Variants in NOC2L observed in about 807,000 individuals in gnomAD.
The protein encoded by NOC2L is nucleolar complex protein 2 homolog.
A neutral mutation model predicts 94.2 loss-of-function variants in NOC2L; 101 were observed. That is an observed-to-expected ratio of 1.07 (90% CI 0.91 to 1.26). NOC2L has a LOEUF of 1.26. NOC2L is among the 50% of genes most tolerant of loss of function. NOC2L has a pLI of 0.00. For synonymous variants in NOC2L, 531 were observed against 413.4 expected, an observed-to-expected ratio of 1.28 and a Z score of -3.45; for missense variants, 1,076 against 980.1, an observed-to-expected ratio of 1.10 and a Z score of -1.31.
At chr1:945,950 T>C (rs1642096103) in intron 16 of NOC2L, among the ~76,000 whole-genome samples, 1 of 152,202 alleles carries the variant, frequency 6.6e-6, no homozygotes, top group African/African-American at 2.4e-5. Context: ...TGAGGGGGCA[T>C]GGCCTCCCCA....
rs753866757 is a variant in NOC2L, at chr1:951,224, G to T, written c.1346C>A (p.Ala449Asp). Reference sequence around the variant, plus strand: ...GTGCATTCGCAGCGGGTAGAAGCGGGCAGTGGGGATGAGCCTGGGGGTGGG... The same window carrying T: ...GTGCATTCGCAGCGGGTAGAAGCGGTCAGTGGGGATGAGCCTGGGGGTGGG... ...IIGCIKLIPTARFYPLRMHCI... is the reference protein window; with the variant it reads ...IIGCIKLIPTDRFYPLRMHCI... The change falls in exon 12 of 19, where the codon GCC (alanine) becomes GAC (aspartate). Residue 449 changes from alanine to aspartate, a missense_variant. Physicochemically the swap from Ala to Asp is moderately radical, Grantham distance 126. Around this residue, in one of 3 missense-constraint regions of NOC2L, gnomAD observed 615 missense variants for 577.4 expected, o/e 1.07. Coordinates refer to ENST00000327044, the MANE Select transcript of NOC2L (RefSeq NM_015658.4). 7.6e-6 allele frequency: 12 copies of T among 1,586,886 alleles called. No individual in the cohort carries two copies. Among genetic ancestry groups the T allele is most frequent in the Middle Eastern group, 1.7e-4 (1 of 6,056 alleles).
chr1:948,759 C>A (rs547000248), intron 12 of NOC2L, among the ~76,000 whole-genome samples, 156 bp from the exon 13 acceptor site: 1 of 11,236 alleles, frequency 8.9e-5, no homozygotes, highest in South Asian at 4.0e-3. Flanking sequence ...AGACCCAACC[C>A]GAAACAAGAG....
Position 946,457 on chromosome 1 carries a change from T to C in NOC2L, c.1748A>G (p.Tyr583Cys). The C allele has an allele frequency of 6.2e-7, 1 of 1,613,306 alleles. No individual in the cohort carries two copies. Among genetic ancestry groups the C allele is most frequent in the Non-Finnish European group, 8.5e-7 (1 of 1,179,958 alleles). The change falls in exon 15 of 19, where the codon TAC becomes TGC. Residue 583 changes from tyrosine (Y) to cysteine (C), a missense_variant. Coordinates refer to ENST00000327044, the MANE Select transcript of NOC2L (RefSeq NM_015658.4). ...AACCCTCTGGCGGCGGCTGCAGATGTATGCCGAGTTCTCCTGAACCTTCCC... is the reference window on the plus strand; with the variant it reads ...AACCCTCTGGCGGCGGCTGCAGATGCATGCCGAGTTCTCCTGAACCTTCCC... Reference protein sequence around the residue: ...LLGKVQENSAYICSRRQRVSF... With the variant: ...LLGKVQENSACICSRRQRVSF...
In NOC2L at chr1:950,007, A is replaced by G. The variant is rs893293470; in HGVS notation, c.1443+1120T>C. On this transcript the variant is annotated intron_variant, in intron 12 of 18. Coordinates refer to ENST00000327044, the MANE Select transcript of NOC2L (RefSeq NM_015658.4). ...CAGCGGGGTGGGGCCTAACCCACCC[A>G]CTGAAAGTTGAAACTTCGGACTCCA... 5.9e-5 allele frequency among the ~76,000 whole-genome samples: 9 copies of G among 152,352 alleles called. No individual in the cohort carries two copies. The South Asian group carries it at 1.0e-3, about 18-fold the overall frequency.
chr1:953,764 G>A lies in NOC2L; in HGVS notation c.888+18C>T, dbSNP rs776378512. ...CCCGACCCCATGACAGACACAGGGA[G>A]GGGACTGGGCCACGAACCTTGAGCA... On this transcript the variant is annotated intron_variant, in intron 8 of 18. Coordinates refer to ENST00000327044, the MANE Select transcript of NOC2L (RefSeq NM_015658.4). 6.3e-7 allele frequency: 1 copy of A among 1,577,446 alleles called. No homozygotes were observed. The highest frequency in any genetic ancestry group is 1.3e-5 in the African/African-American group (1 of 74,356).
rs111297025 is a variant in NOC2L, at chr1:954,210, T to G, written c.699-128A>C. On this transcript the variant is annotated intron_variant, in intron 6 of 18. Coordinates refer to ENST00000327044, the MANE Select transcript of NOC2L (RefSeq NM_015658.4). ...CTGCAGAGACCCCCCGTCTCTCCAC[T>G]CAAAAAAGCTCAGGGCCCCTTACAG... is the stretch of plus-strand genomic sequence containing the variant. 20 of 810,724 alleles carry G rather than the reference T, an allele frequency of 2.5e-5. No homozygotes were observed. In the African/African-American group the frequency reaches 3.1e-4, roughly 13 times the overall value. 50.2% of individuals were successfully genotyped at this position (810,724 alleles called of 1,614,324 possible).
chr1:948,735 G>GCTGGACCCTGGTCCCCCTGGTCC, intron 12 of NOC2L, 132 bp from the exon 13 acceptor site: 1 of 641,064 alleles, frequency 1.6e-6, no homozygotes, highest in Non-Finnish European at 2.8e-6. Context: ...TGGTCCTCAG[G>GCTGGACCCTGGTCCCCCTGGTCC]CTTCAGCACG....
chr1:956,859 G>A lies in NOC2L; in HGVS notation c.486+35C>T, dbSNP rs752723920. ...GTGAGGCAAGGCCAGATTTCTGCCT[G>A]GGCACCCAGCTGCCCGCCCCTGGCT... is the stretch of plus-strand genomic sequence containing the variant. On this transcript the variant is annotated intron_variant, in intron 4 of 18. Transcript: ENST00000327044. The A allele has an allele frequency of 3.7e-6, 6 of 1,611,548 alleles. No individual in the cohort carries two copies. In the African/African-American group the frequency reaches 6.7e-5, roughly 18 times the overall value.
intron 1 of NOC2L, 31 bp from the exon 2 acceptor site, chr1:959,112 G>A (rs1642506490): frequency 3.7e-6 from 6 of 1,609,826 alleles, no homozygotes; most frequent in Non-Finnish European, 5.1e-6. Context: ...ACAGCTGCCC[G>A]CACGCCCAGC....
rs1300700985 is a variant in NOC2L, at chr1:944,279, T to C, written c.*415A>G. 50 of 1,435,288 alleles carry C rather than the reference T, an allele frequency of 3.5e-5. No individual in the cohort carries two copies. Among genetic ancestry groups the C allele is most frequent in the Admixed American group, 1.5e-4 (5 of 33,872 alleles). The allele number at this position is 1,435,288 out of a possible 1,614,324, so 88.9% of individuals were successfully genotyped here. On this transcript the variant is annotated 3_prime_UTR_variant, in exon 19 of 19. Transcript: ENST00000327044. The stretch of plus-strand genomic sequence containing the variant: ...CAAAACAAAAAATTTTAAAAGAAAA[T>C]GTGACTTCAAAGGAAAGGAACAAAT...
At position 954,119 on chromosome 1, in the gene NOC2L, C is replaced by T. The variant is rs553833593; in HGVS notation, c.699-37G>A. ...CCACCCACCCCTGGCTGGGAGGCCCCACGGCTCGGACGCGAGGCTGCTCAG... is the reference window on the plus strand; with the variant it reads ...CCACCCACCCCTGGCTGGGAGGCCCTACGGCTCGGACGCGAGGCTGCTCAG... On this transcript the variant is annotated intron_variant, in intron 6 of 18. Coordinates refer to ENST00000327044, the MANE Select transcript of NOC2L (RefSeq NM_015658.4). 56 of 1,603,126 alleles carry T rather than the reference C, an allele frequency of 3.5e-5. No individual in the cohort carries two copies. In the South Asian group the frequency reaches 5.3e-4, roughly 15 times the overall value.
At position 944,747 on chromosome 1, in the gene NOC2L, C is replaced by A. The variant is rs1642040687; in HGVS notation, c.2197G>T (p.Ala733Ser). The A allele has an allele frequency of 6.2e-7, 1 of 1,600,356 alleles. No individual in the cohort carries two copies. The highest frequency in any genetic ancestry group is 8.5e-7 in the Non-Finnish European group (1 of 1,178,144). Residue 733 changes from alanine (A) to serine (S), a missense_variant, in exon 19 of 19, where the codon GCC (alanine) becomes TCC (serine). By Grantham distance (99) the Ala-to-Ser change is moderately conservative. Around this residue, in one of 3 missense-constraint regions of NOC2L, gnomAD observed 615 missense variants for 577.4 expected, o/e 1.07. Coordinates refer to ENST00000327044, the MANE Select transcript of NOC2L (RefSeq NM_015658.4). ...TCCAGCTCGTCCTCCGGCCCCTGGGCCAGCTGCTGCAGCTCCCCAGGGGCC... is the reference window on the plus strand; with the variant it reads ...TCCAGCTCGTCCTCCGGCCCCTGGGACAGCTGCTGCAGCTCCCCAGGGGCC... Reference protein sequence around the residue: ...GLAPGELQQLAQGPEDELEDL... With the variant: ...GLAPGELQQLSQGPEDELEDL...
intron 12 of NOC2L, among the ~76,000 whole-genome samples, chr1:949,821 T>C (rs969095447): frequency 1.3e-5 from 2 of 152,158 alleles, no homozygotes; most frequent in African/African-American, 4.8e-5. Flanking sequence ...CATCCCTGCC[T>C]CAGTGGAAGG....
rs1642512671 is a variant in NOC2L at position 959,245 on chromosome 1, C to T, written c.-5G>A. ...GCGGCTCCCCGCAGCTGCCATGACA[C>T]CAACCCGAAGCGTGCACCCCACTTC... On this transcript the variant is annotated 5_prime_UTR_variant, in exon 1 of 19. The change creates a new upstream start codon in the 5' untranslated region. Coordinates refer to ENST00000327044, the MANE Select transcript of NOC2L (RefSeq NM_015658.4). 2.5e-6 allele frequency: 4 copies of T among 1,605,394 alleles called. No individual in the cohort carries two copies. Among genetic ancestry groups the T allele is most frequent in the Non-Finnish European group, 3.4e-6 (4 of 1,176,740 alleles).
Position 958,966 on chromosome 1 carries a change from G to A in NOC2L, c.142C>T (p.Arg48Trp). 12 of 1,612,732 alleles carry A rather than the reference G, an allele frequency of 7.4e-6. No homozygotes were observed. Among genetic ancestry groups the A allele is most frequent in the Non-Finnish European group, 9.3e-6 (11 of 1,179,952 alleles). ...AETREAREAA[R>W]SPDKPGGSPS... ...CTCCCGCCCGGCTTATCCGGACTCC[G>A]GGCAGCCTCGCGTGCTTCCCGTGTC... Residue 48 changes from arginine to tryptophan, a missense_variant, in exon 2 of 19, where the codon CGG becomes TGG. Arg to Trp is a moderately radical substitution (Grantham distance 101, BLOSUM62 -3). Coordinates refer to ENST00000327044, the MANE Select transcript of NOC2L (RefSeq NM_015658.4).
rs1181426236 is a variant in NOC2L at position 951,214 on chromosome 1, G to C, written c.1356C>G (p.Tyr452Ter). 6.3e-7 allele frequency: 1 copy of C among 1,591,100 alleles called. No individual in the cohort carries two copies. The highest frequency in any genetic ancestry group is 8.6e-7 in the Non-Finnish European group (1 of 1,168,992). Residue 452 changes from tyrosine to a stop codon, truncating the protein, a stop_gained, in exon 12 of 19, where the codon TAC becomes TAG. Transcript: ENST00000327044. LOFTEE classifies it high-confidence loss of function. The stretch of plus-strand genomic sequence containing the variant: ...CACGGATGCAGTGCATTCGCAGCGG[G>C]TAGAAGCGGGCAGTGGGGATGAGCC... ...CIKLIPTARF[Y>*]PLRMHCIRAL...
chr1:944,704 T>C lies in NOC2L; in HGVS notation c.2240A>G (p.Glu747Gly). Residue 747 changes from glutamate (E) to glycine (G), a missense_variant, in exon 19 of 19, where the codon GAG becomes GGG. By Grantham distance (98) the Glu-to-Gly change is moderately conservative. Around this residue, in one of 3 missense-constraint regions of NOC2L, gnomAD observed 615 missense variants for 577.4 expected, o/e 1.07. Transcript: ENST00000327044. ...CCCAGATGGGCTGCCTCAGTCGTCC[T>C]CTGAGAGCTGCAGATCCTCCAGCTC... ...EDELEDLQLSEDD is the reference protein window; with the variant it reads ...EDELEDLQLSGDD 2 of 1,596,670 alleles carry C rather than the reference T, an allele frequency of 1.3e-6. No individual in the cohort carries two copies. Among genetic ancestry groups the C allele is most frequent in the Non-Finnish European group, 1.7e-6 (2 of 1,176,536 alleles).
chr1:945,322 C>T (rs1237247530), intron 17 of NOC2L, 176 bp from the exon 18 acceptor site: 2 of 966,834 alleles, frequency 2.1e-6, no homozygotes, highest in Admixed American at 5.4e-5. Flanking sequence ...GACAGAGTTA[C>T]CAATCCCAGT....
At chr1:947,885 G>A (rs533141738) in intron 14 of NOC2L, among the ~76,000 whole-genome samples, 1 of 152,244 alleles carries the variant, frequency 6.6e-6, no homozygotes, top group Non-Finnish European at 1.5e-5. Context: ...TTCCCACCTG[G>A]GGAGGAGGCT....
Sources: allele counts gnomAD v4.1 joint callset (sites outside exome capture counted in the v4.1 genomes callset), GRCh38; gene constraint gnomAD v4.1.1; regional missense constraint gnomAD v4.1.1; transcripts MANE v1.5; gene names NCBI Gene and HGNC (gene_info 2026-07-23, HGNC 2026-07-21).